Variants in SRD5A2 observed in about 807,000 individuals in gnomAD.
SRD5A2 encodes the protein 3-oxo-5-alpha-steroid 4-dehydrogenase 2.
SRD5A2 carries 30 observed loss-of-function variants against 27.4 expected under a neutral mutation model. The ratio of observed to expected loss-of-function variants is 1.10; its 90% CI spans 0.82 to 1.49. The LOEUF is 1.49. Ranked by LOEUF, SRD5A2 falls within the 40% of genes most tolerant of loss-of-function variation. SRD5A2 has a pLI of 0.00. For missense variants in SRD5A2, 348 were observed against 323.4 expected, an observed-to-expected ratio of 1.08 and a Z score of -0.58; for synonymous variants, 141 against 133.6, an observed-to-expected ratio of 1.06 and a Z score of -0.38.
chr2:31,561,092 T>C (rs1188318521), intron 1 of SRD5A2, among the ~76,000 whole-genome samples: 1 of 152,122 alleles, frequency 6.6e-6, no homozygotes. Context: ...AGTGATTCCC[T>C]CCACATCTAA....
At chr2:31,569,102 C>T (rs1475148490) in intron 1 of SRD5A2, among the ~76,000 whole-genome samples, 1 of 152,234 alleles carries the variant, frequency 6.6e-6, no homozygotes, top group Non-Finnish European at 1.5e-5. Context: ...TGGCCTTCTG[C>T]CCCACCAACT....
chr2:31,545,640 T>C (rs1005955222), intron 1 of SRD5A2, among the ~76,000 whole-genome samples: 2 of 152,200 alleles, frequency 1.3e-5, no homozygotes, highest in Non-Finnish European at 2.9e-5. Flanking sequence ...GCTCTTCTTT[T>C]AAAATCAGGA....
intron 1 of SRD5A2, 36 bp from the exon 2 acceptor site, chr2:31,533,802 G>A: frequency 6.3e-7 from 1 of 1,578,578 alleles, no homozygotes; most frequent in South Asian, 1.2e-5. Context: ...AGGATTCACT[G>A]TTAAAAAAGA....
At chr2:31,632,306 C>G in the SRD5A2 span, among the ~76,000 whole-genome samples, 1 of 152,184 alleles carries the variant, frequency 6.6e-6, no homozygotes, top group Non-Finnish European at 1.5e-5. Flanking sequence ...CACGGAAAGC[C>G]TGGGCAAATT....
At chr2:31,630,311 C>CAGAGAGAG in the SRD5A2 span, among the ~76,000 whole-genome samples, 5 of 147,638 alleles carry the variant, frequency 3.4e-5, no homozygotes, top group African/African-American at 1.2e-4. Flanking sequence ...GAGAGAGAGA[C>CAGAGAGAG]AGAGAGAGAG....
At chr2:31,579,042 G>A (rs1206603334) in intron 1 of SRD5A2, among the ~76,000 whole-genome samples, 3 of 152,154 alleles carry the variant, frequency 2.0e-5, no homozygotes, top group African/African-American at 7.2e-5. Context: ...CTTATCTCCT[G>A]TATCCAACAT....
chr2:31,617,758 A>G, the SRD5A2 span, among the ~76,000 whole-genome samples: 1 of 152,214 alleles, frequency 6.6e-6, no homozygotes, highest in South Asian at 2.1e-4. Context: ...TCCATCTGAG[A>G]CCACCTTGGC....
intron 1 of SRD5A2, among the ~76,000 whole-genome samples, chr2:31,537,505 T>G (rs1666050025): frequency 6.6e-6 from 1 of 152,172 alleles, no homozygotes. Flanking sequence ...TGGAAACACT[T>G]TCTTTACTCA....
chr2:31,608,338 CT>C, the SRD5A2 span, among the ~76,000 whole-genome samples: 4 of 151,414 alleles, frequency 2.6e-5, no homozygotes, highest in African/African-American at 7.3e-5. Context: ...TAAAGCACCC[CT>C]ATAAAATGAA....
chr2:31,530,210 C>T (rs1316695612), intron 3 of SRD5A2, among the ~76,000 whole-genome samples: 1 of 152,204 alleles, frequency 6.6e-6, no homozygotes, highest in Non-Finnish European at 1.5e-5. Flanking sequence ...GTTCTTTCTA[C>T]AGTTACATAA....
chr2:31,632,432 A>G, the SRD5A2 span, among the ~76,000 whole-genome samples: 21 of 152,360 alleles, frequency 1.4e-4, no homozygotes, highest in Admixed American at 1.4e-3. Context: ...GAATCACTGG[A>G]AGGCCCACTG....
At chr2:31,639,994 G>A in the SRD5A2 span, among the ~76,000 whole-genome samples, 1 of 152,104 alleles carries the variant, frequency 6.6e-6, no homozygotes, top group Middle Eastern at 3.4e-3. Flanking sequence ...GTCTTTTAAT[G>A]TAATTTTTAA....
At chr2:31,659,489 G>C in the SRD5A2 span, among the ~76,000 whole-genome samples, 1 of 152,152 alleles carries the variant, frequency 6.6e-6, no homozygotes, top group East Asian at 1.9e-4. Context: ...CAAAGTTTCA[G>C]AATACAAAAT....
chr2:31,537,819 CATGA>C (rs1666056628), intron 1 of SRD5A2, among the ~76,000 whole-genome samples: 1 of 152,132 alleles, frequency 6.6e-6, no homozygotes, highest in Non-Finnish European at 1.5e-5. Context: ...GCTCTGCCAA[CATGA>C]ATGGATTAAT....
rs568179554 is a variant in SRD5A2 at position 31,524,668 on chromosome 2, C to G, written c.*1528G>C. 2.3e-4 allele frequency: 54 copies of G among 231,098 alleles called. No homozygotes were observed. The highest frequency in any genetic ancestry group is 1.2e-3 in the African/African-American group (53 of 45,336). 14.3% of individuals were successfully genotyped at this position (231,098 alleles called of 1,614,324 possible). On this transcript the variant is annotated 3_prime_UTR_variant, in exon 5 of 5. Transcript: ENST00000622030. ...GCATTTTTCAGTAATCTACATCATCCTCAGACCTTTCAAGTTTCCTATGTG... is the reference window on the plus strand; with the variant it reads ...GCATTTTTCAGTAATCTACATCATCGTCAGACCTTTCAAGTTTCCTATGTG...
chr2:31,588,041 C>A, the SRD5A2 span, among the ~76,000 whole-genome samples: 1 of 151,942 alleles, frequency 6.6e-6, no homozygotes, highest in African/African-American at 2.4e-5. Context: ...AGCTTGAAGA[C>A]AAGCTATTTG....
chr2:31,549,614 T>G (rs1407419330), intron 1 of SRD5A2, among the ~76,000 whole-genome samples: 1 of 152,148 alleles, frequency 6.6e-6, no homozygotes, highest in African/African-American at 2.4e-5. Flanking sequence ...TAAAGTAGAC[T>G]CTGAGCAAAC....
chr2:31,648,718 G>A, the SRD5A2 span, among the ~76,000 whole-genome samples: 1 of 152,192 alleles, frequency 6.6e-6, no homozygotes, highest in Non-Finnish European at 1.5e-5. Context: ...TCCAGTTTGA[G>A]CATCTATGAA....
At chr2:31,536,304 T>C (rs1666026648) in intron 1 of SRD5A2, among the ~76,000 whole-genome samples, 1 of 152,218 alleles carries the variant, frequency 6.6e-6, no homozygotes, top group African/African-American at 2.4e-5. Flanking sequence ...ATCAACATAA[T>C]AAAAGCTCAT....
Sources: gnomAD v4.1 joint callset for allele counts (sites outside exome capture counted in the v4.1 genomes callset) on GRCh38, gnomAD v4.1.1 for gene constraint, MANE v1.5 for transcripts, NCBI Gene and HGNC (gene_info 2026-07-23, HGNC 2026-07-21) for gene names.